NFASC: variants seen among roughly 807,000 people sequenced by gnomAD.
NFASC encodes neurofascin homolog.
A neutral mutation model predicts 147.5 loss-of-function variants in NFASC; 43 were observed. That is an observed-to-expected ratio of 0.29 (90% CI 0.23 to 0.38). The LOEUF (loss-of-function observed/expected upper bound fraction) is 0.38, where lower values mean the gene tolerates loss of function less well. NFASC is among the 10% of genes least tolerant of loss of function. NFASC has a pLI of 1.00. For synonymous variants in NFASC, 622 were observed against 665.5 expected (o/e 0.93, Z 1.01); for missense variants, 1,320 against 1,689.0 (o/e 0.78, Z 3.83).
At chr1:204,930,025 C>T (rs1333603149) in intron 2 of NFASC, among the ~76,000 whole-genome samples, 1 of 152,174 alleles carries the variant, frequency 6.6e-6, no homozygotes, top group African/African-American at 2.4e-5. Context: ...GACGGTGGCC[C>T]TCAGTCATGC....
rs2094327208 is a variant in NFASC at position 204,954,506 on chromosome 1, T to C, written c.412+122T>C. ...GGCCTGCAGTTGCCTTGGTGTTCTC[T>C]ATGCATCTTCCCCACCTCAGAATGA... On this transcript the variant is annotated intron_variant, in intron 6 of 29. Transcript: ENST00000339876. This position sits in a 1 kb window ranked among gnomAD's most constrained non-coding sequence, Gnocchi z 5.7. 1 of 859,608 alleles carries C rather than the reference T, an allele frequency of 1.2e-6. No homozygotes were observed. 53.2% of individuals were successfully genotyped at this position (859,608 alleles called of 1,614,324 possible). A position where few individuals can be genotyped will look rare whatever the true frequency, so the allele number is the denominator to read the frequency against.
chr1:204,887,740 G>T (rs1391905286), intron 1 of NFASC, among the ~76,000 whole-genome samples: 1 of 151,860 alleles, frequency 6.6e-6, no homozygotes, highest in Non-Finnish European at 1.5e-5. Flanking sequence ...GGGACCACAG[G>T]TGTGTACCAC....
chr1:204,869,317 A>G (rs1035974806), intron 1 of NFASC, among the ~76,000 whole-genome samples: 6 of 152,228 alleles, frequency 3.9e-5, no homozygotes, highest in Admixed American at 3.9e-4. Context: ...TGAGTACTTT[A>G]TCTTGTTAAC....
chr1:204,901,551 G>A (rs1013989660), intron 1 of NFASC, among the ~76,000 whole-genome samples: 1 of 152,134 alleles, frequency 6.6e-6, no homozygotes, highest in Admixed American at 6.5e-5. Context: ...GACAAAATTT[G>A]ATTGAGTTGT....
chr1:204,973,452 C>T (rs1425853068), intron 12 of NFASC, 33 bp downstream of exon 12: 5 of 1,612,566 alleles, frequency 3.1e-6, no homozygotes, highest in Non-Finnish European at 4.2e-6. Flanking sequence ...GTTTCCCCCT[C>T]CTCTCCACTA....
intron 3 of NFASC, chr1:204,946,687 G>T: frequency 1.9e-6 from 1 of 517,768 alleles, no homozygotes; most frequent in South Asian, 1.4e-5. Context: ...CATGTACGGC[G>T]AGGGCATTGG....
At position 204,955,716 on chromosome 1, in the gene NFASC, G is replaced by GTCCT. The variant is rs751814684; in HGVS notation, c.535+766_535+769dup. ...TCTCTGTGTGTCCTTCTGGCTTCCT[G>GTCCT]TCCTCCCTCCCTTCCCGCCTACCTG... On this transcript the variant is annotated intron_variant, in intron 7 of 29. Transcript: ENST00000339876. Among the ~76,000 whole-genome samples the GTCCT allele has an allele frequency of 3.2e-3, 483 of 152,078 alleles. 4 individuals carry two copies. Among genetic ancestry groups the GTCCT allele is most frequent in the Non-Finnish European group, 3.3e-3 (224 of 67,972 alleles).
At chr1:204,834,745 A>G (rs761454579) in intron 1 of NFASC, among the ~76,000 whole-genome samples, 5 of 152,168 alleles carry the variant, frequency 3.3e-5, no homozygotes, top group Non-Finnish European at 7.3e-5. Flanking sequence ...TAACAAGATA[A>G]ACAGCCTGAG....
chr1:204,876,920 G>A (rs1190089788), intron 1 of NFASC, among the ~76,000 whole-genome samples: 2 of 146,626 alleles, frequency 1.4e-5, no homozygotes, highest in Non-Finnish European at 3.0e-5. Flanking sequence ...ATAGCCTCTG[G>A]TAGAAACCAA....
At chr1:204,878,671 C>T (rs2079519432) in intron 1 of NFASC, among the ~76,000 whole-genome samples, 1 of 152,352 alleles carries the variant, frequency 6.6e-6, no homozygotes, top group Non-Finnish European at 1.5e-5. Context: ...CAACACTTGG[C>T]CAGTCTTGTT....
rs577984445 is a variant in NFASC, at chr1:204,909,339, C to A, written c.-199-11293C>A. ...TCTCATTGTGGTTTTAATTTGCATT[C>A]CCCCAGTGGCTGATGATGTTGAATG... is the stretch of plus-strand genomic sequence containing the variant. On this transcript the variant is annotated intron_variant, in intron 1 of 29. Transcript: ENST00000339876. 2.6e-4 allele frequency among the ~76,000 whole-genome samples: 40 copies of A among 152,154 alleles called. No homozygotes were observed. The East Asian group carries it at 7.0e-3, about 26-fold the overall frequency.
chr1:204,988,644 A>C lies in NFASC; in HGVS notation c.2605A>C (p.Lys869Gln). The C allele has an allele frequency of 6.2e-7, 1 of 1,614,212 alleles. No homozygotes were observed. The highest frequency in any genetic ancestry group is 1.1e-5 in the South Asian group (1 of 91,090). Residue 869 changes from lysine (K) to glutamine (Q), a missense_variant, in exon 23 of 30, where the codon AAA (lysine) becomes CAA (glutamine). Transcript: ENST00000339876. ...CTCTCTCTCCCCAGTTAACGGGACC[A>C]AAGTAGGAAAGCAGATAGTGGAAAA... ...TLKYVAFNGT[K>Q]VGKQIVENFS...
intron 1 of NFASC, among the ~76,000 whole-genome samples, chr1:204,891,720 C>G (rs1453658568): frequency 6.6e-6 from 1 of 152,092 alleles, no homozygotes; most frequent in Non-Finnish European, 1.5e-5. Context: ...GTGTGGGGCA[C>G]AGAGTGGGGC....
chr1:204,862,762 C>T (rs537664198), intron 1 of NFASC, among the ~76,000 whole-genome samples: 104 of 152,290 alleles, frequency 6.8e-4, no homozygotes, highest in Admixed American at 1.4e-3. Flanking sequence ...TATTCTTTAT[C>T]TTTGGAGGGC....
rs1574605510 is a variant in NFASC, at chr1:205,022,708, T to G, written c.*6169T>G. The G allele has an allele frequency of 3.3e-5, 5 of 152,786 alleles. No homozygotes were observed. In the South Asian group the frequency reaches 1.0e-3, roughly 32 times the overall value. 9.5% of individuals were successfully genotyped at this position (152,786 alleles called of 1,614,324 possible). ...CTAATACATGGACTTATAAACTGAC[T>G]GCATGAGCAATGAAAAGGCCAAATT... On this transcript the variant is annotated 3_prime_UTR_variant, in exon 30 of 30. Transcript: ENST00000339876.
chr1:204,936,359 G>A (rs1285798137), intron 2 of NFASC, among the ~76,000 whole-genome samples: 10 of 151,788 alleles, frequency 6.6e-5, no homozygotes, highest in Admixed American at 2.6e-4. Context: ...GCACCCCCAC[G>A]CCTGGCTAAT....
chr1:204,973,944 C>T (rs2150337980), intron 12 of NFASC, among the ~76,000 whole-genome samples: 1 of 152,224 alleles, frequency 6.6e-6, no homozygotes. Context: ...TTTGGGGAGA[C>T]CCTTTGCAAA....
At chr1:204,935,807 C>T (rs2092766232) in intron 2 of NFASC, among the ~76,000 whole-genome samples, 1 of 152,188 alleles carries the variant, frequency 6.6e-6, no homozygotes, top group Non-Finnish European at 1.5e-5. Context: ...TTCCTCCTCA[C>T]ACCCATGTCT....
chr1:204,923,268 C>T lies in NFASC; in HGVS notation c.-91+2528C>T, dbSNP rs529142288. Reference sequence around the variant, plus strand: ...CCCTCCGTTTATCTGCGTCTTCTCCCTTTGTTGGAAGCCACTGCCATATGG... The same window carrying T: ...CCCTCCGTTTATCTGCGTCTTCTCCTTTTGTTGGAAGCCACTGCCATATGG... On this transcript the variant is annotated intron_variant, in intron 2 of 29. Transcript: ENST00000339876. Among the ~76,000 whole-genome samples the T allele has an allele frequency of 5.3e-5, 8 of 152,252 alleles. No homozygotes were observed. In the East Asian group the frequency reaches 1.5e-3, roughly 29 times the overall value.
Sources: gnomAD v4.1 joint callset for allele counts (sites outside exome capture counted in the v4.1 genomes callset) on GRCh38, gnomAD v4.1.1 for gene constraint, Gnocchi (gnomAD v3.1) non-coding constraint, MANE v1.5 for transcripts, NCBI Gene and HGNC (gene_info 2026-07-23, HGNC 2026-07-21) for gene names.